DACH1: variants seen among roughly 807,000 people sequenced by gnomAD.
DACH1 encodes dachshund homolog 1.
A neutral mutation model predicts 54.2 loss-of-function variants in DACH1; 12 were observed. The ratio of observed to expected loss-of-function variants is 0.22; its 90% CI spans 0.14 to 0.36. The LOEUF (loss-of-function observed/expected upper bound fraction) is 0.36. Among genes scored for constraint, DACH1 ranks in the 10% least tolerant of loss-of-function variants. The pLI is 1.00. For missense variants in DACH1, 805 were observed against 929.8 expected (o/e 0.87, Z 1.75); for synonymous variants, 386 against 366.2 (o/e 1.05, Z -0.62).
At chr13:71,828,199 T>C (rs1232844846) in intron 1 of DACH1, among the ~76,000 whole-genome samples, 1 of 152,026 alleles carries the variant, frequency 6.6e-6, no homozygotes, top group Non-Finnish European at 1.5e-5. Flanking sequence ...TAGGGACATT[T>C]ATTTTTTGCA....
At chr13:71,625,108 T>C (rs1876547073) in intron 3 of DACH1, among the ~76,000 whole-genome samples, 1 of 151,930 alleles carries the variant, frequency 6.6e-6, no homozygotes, top group Non-Finnish European at 1.5e-5. Context: ...CCAATCTTCT[T>C]TTTAAACTTT....
intron 1 of DACH1, among the ~76,000 whole-genome samples, chr13:71,724,080 T>A (rs1444011767): frequency 1.3e-5 from 2 of 152,180 alleles, no homozygotes; most frequent in African/African-American, 4.8e-5. Flanking sequence ...CTCTCAGTAT[T>A]GAAATTTTGT....
intron 1 of DACH1, among the ~76,000 whole-genome samples, chr13:71,695,800 A>T (rs1881800453): frequency 6.6e-6 from 1 of 152,222 alleles, no homozygotes; most frequent in African/African-American, 2.4e-5. Flanking sequence ...AGAGGGCAGC[A>T]AATTGTGTTT....
intron 3 of DACH1, among the ~76,000 whole-genome samples, chr13:71,607,692 A>G (rs1486531544): frequency 1.3e-5 from 2 of 152,058 alleles, no homozygotes; most frequent in African/African-American, 2.4e-5. Flanking sequence ...AAGTTATGGT[A>G]AACTTATTTC....
chr13:71,728,128 T>C (rs911892327), intron 1 of DACH1, among the ~76,000 whole-genome samples: 38 of 152,076 alleles, frequency 2.5e-4, no homozygotes, highest in African/African-American at 8.7e-4. Flanking sequence ...GTCAATTAAA[T>C]AGAAAAACGG....
At chr13:71,484,144 C>A (rs563095341) in intron 7 of DACH1, among the ~76,000 whole-genome samples, 3 of 152,214 alleles carry the variant, frequency 2.0e-5, no homozygotes, top group African/African-American at 7.2e-5. Context: ...GTGAATCAAT[C>A]TGGAGCTGCC....
intron 6 of DACH1, among the ~76,000 whole-genome samples, chr13:71,500,536 A>C (rs1879823277): frequency 6.6e-6 from 1 of 152,208 alleles, no homozygotes; most frequent in South Asian, 2.1e-4. Context: ...TAAAATTATC[A>C]TGGAATTATA....
chr13:71,509,390 T>C (rs940002059), intron 6 of DACH1, among the ~76,000 whole-genome samples: 9 of 152,066 alleles, frequency 5.9e-5, no homozygotes, highest in Admixed American at 2.0e-4. Context: ...ATATAAAATA[T>C]AACTAGTAGA....
At chr13:71,683,339 G>T (rs1881002067) in intron 1 of DACH1, among the ~76,000 whole-genome samples, 2 of 152,254 alleles carry the variant, frequency 1.3e-5, no homozygotes, top group South Asian at 2.1e-4. Context: ...TAGGAAGGAA[G>T]AAGGCAGCGG....
At chr13:71,822,046 C>A (rs147673616) in intron 1 of DACH1, among the ~76,000 whole-genome samples, 4 of 151,814 alleles carry the variant, frequency 2.6e-5, no homozygotes, top group Non-Finnish European at 5.9e-5. Flanking sequence ...GGCAACAGAG[C>A]GAGATTCCAT....
chr13:71,637,670 C>T (rs1210828192), intron 2 of DACH1, among the ~76,000 whole-genome samples: 1 of 152,128 alleles, frequency 6.6e-6, no homozygotes, highest in Admixed American at 6.5e-5. Context: ...TATTCTTTCA[C>T]TTTTTAAAGA....
Position 71,439,436 on chromosome 13 carries a change from C to T in DACH1, c.*1219G>A, listed in dbSNP as rs971879166. 2 of 152,492 alleles carry T rather than the reference C, an allele frequency of 1.3e-5. No individual in the cohort carries two copies. The highest frequency in any genetic ancestry group is 4.8e-5 in the African/African-American group (2 of 41,442). The allele number at this position is 152,492 out of a possible 1,614,324, so 9.4% of individuals were successfully genotyped here. On this transcript the variant is annotated 3_prime_UTR_variant, in exon 11 of 11. Coordinates refer to ENST00000613252, the MANE Select transcript of DACH1 (RefSeq NM_080759.6). ...GGGTGGGAAGCACAGCACATTTTAACTTTATCACTCAGCGCTACATGGTAT... is the reference window on the plus strand; with the variant it reads ...GGGTGGGAAGCACAGCACATTTTAATTTTATCACTCAGCGCTACATGGTAT...
intron 1 of DACH1, among the ~76,000 whole-genome samples, chr13:71,849,357 C>T (rs997632270): frequency 2.6e-5 from 4 of 152,134 alleles, no homozygotes; most frequent in African/African-American, 9.7e-5. Flanking sequence ...TGTCTCAATA[C>T]TGTGAACCCC....
chr13:71,725,709 G>A (rs1054636038), intron 1 of DACH1, among the ~76,000 whole-genome samples: 13 of 151,900 alleles, frequency 8.6e-5, no homozygotes, highest in Admixed American at 3.9e-4. Flanking sequence ...CAATATTTGG[G>A]ATGGCAATCA....
intron 7 of DACH1, among the ~76,000 whole-genome samples, chr13:71,486,808 TTATTTATC>T (rs36214576): frequency 0.3 from 44,520 of 147,196 alleles, 7,197 homozygotes; most frequent in Admixed American, 0.42. Flanking sequence ...ATTTATTTAT[TTATTTATC>T]TATCTATCTA....
chr13:71,764,595 C>G (rs1885538449), intron 1 of DACH1, among the ~76,000 whole-genome samples: 2 of 152,150 alleles, frequency 1.3e-5, no homozygotes, highest in African/African-American at 4.8e-5. Context: ...TGCTGTTTGT[C>G]TTGGGATGTA....
chr13:71,646,024 A>G (rs984651916), intron 2 of DACH1, among the ~76,000 whole-genome samples: 7 of 152,148 alleles, frequency 4.6e-5, no homozygotes, highest in African/African-American at 1.7e-4. Flanking sequence ...CCTGTTTAAC[A>G]GGACCAAAAG....
chr13:71,798,563 T>C (rs923540500), intron 1 of DACH1, among the ~76,000 whole-genome samples: 2 of 151,840 alleles, frequency 1.3e-5, no homozygotes, highest in African/African-American at 4.8e-5. Context: ...TTTTGGAGTT[T>C]ATTTAAATAT....
At chr13:71,847,065 AGG>A (rs1873326158) in intron 1 of DACH1, among the ~76,000 whole-genome samples, 1 of 152,176 alleles carries the variant, frequency 6.6e-6, no homozygotes, top group Admixed American at 6.5e-5. Flanking sequence ...ATAATAATAA[AGG>A]TAAAGACAAA....
Sources: gnomAD v4.1 joint callset for allele counts (sites outside exome capture counted in the v4.1 genomes callset) on GRCh38, gnomAD v4.1.1 for gene constraint, MANE v1.5 for transcripts, NCBI Gene and HGNC (gene_info 2026-07-23, HGNC 2026-07-21) for gene names.